The following UTRN variants were observed in gnomAD, a reference collection of about 807,000 sequenced individuals.
UTRN encodes the protein dystrophin-related protein 1.
UTRN carries 283 observed loss-of-function variants against 463.9 expected under a neutral mutation model. The observed-to-expected ratio is 0.61, with a 90% CI of 0.55 to 0.67. The LOEUF (loss-of-function observed/expected upper bound fraction) is 0.67. Among genes scored for constraint, UTRN ranks in the 30% least tolerant of loss-of-function variants. The probability of loss-of-function intolerance (pLI) is 0.00; values close to 1 mark genes in which losing one functional copy is unlikely to be tolerated. For synonymous variants in UTRN, 1,442 were observed against 1,431.5 expected (o/e 1.01, Z -0.17); for missense variants, 3,922 against 4,084.3 (o/e 0.96, Z 1.08).
intron 12 of UTRN, 60 bp from the exon 13 acceptor site, chr6:144,440,292 C>T (rs949071276): frequency 3.6e-5 from 57 of 1,570,958 alleles, no homozygotes; most frequent in Admixed American, 2.0e-4. Context: ...CAACTGAGTG[C>T]GTTTTAAATA....
At chr6:144,371,144 A>G (rs761269962) in intron 2 of UTRN, among the ~76,000 whole-genome samples, 1 of 152,142 alleles carries the variant, frequency 6.6e-6, no homozygotes, top group Non-Finnish European at 1.5e-5. Context: ...TTCTCTCCCC[A>G]CTGACTTTTT....
At chr6:144,533,601 C>T (rs963802253) in intron 43 of UTRN, among the ~76,000 whole-genome samples, 6 of 152,060 alleles carry the variant, frequency 3.9e-5, no homozygotes, top group African/African-American at 9.7e-5. Flanking sequence ...AAGATCAGAC[C>T]TTCCCTTTGC....
intron 51 of UTRN, among the ~76,000 whole-genome samples, chr6:144,592,608 AT>A (rs1451464019): frequency 2.6e-5 from 4 of 152,072 alleles, no homozygotes; most frequent in Non-Finnish European, 5.9e-5. Context: ...TGACCTCGTG[AT>A]CCCCCTGCCT....
intron 52 of UTRN, among the ~76,000 whole-genome samples, chr6:144,685,697 T>G (rs1367333254): frequency 1.3e-5 from 2 of 152,190 alleles, no homozygotes; most frequent in African/African-American, 4.8e-5. Flanking sequence ...ATTTGCCCAC[T>G]TTTTAGTAGG....
At chr6:144,768,102 A>G (rs1470488184) in intron 58 of UTRN, among the ~76,000 whole-genome samples, 2 of 152,206 alleles carry the variant, frequency 1.3e-5, no homozygotes, top group South Asian at 2.1e-4. Flanking sequence ...TTACCAGCCT[A>G]TCAAAAGTGC....
intron 51 of UTRN, among the ~76,000 whole-genome samples, chr6:144,623,243 T>C (rs1775609881): frequency 6.6e-6 from 1 of 152,204 alleles, no homozygotes; most frequent in Non-Finnish European, 1.5e-5. Flanking sequence ...ATAATTGATT[T>C]AGCAATATAT....
intron 3 of UTRN, among the ~76,000 whole-genome samples, chr6:144,409,457 A>T (rs993325235): frequency 6.6e-6 from 1 of 152,132 alleles, no homozygotes; most frequent in Non-Finnish European, 1.5e-5. Flanking sequence ...TTCACCCTTC[A>T]CTTAGGAAGG....
chr6:144,330,240 G>A (rs1776242903), intron 2 of UTRN, among the ~76,000 whole-genome samples: 1 of 152,208 alleles, frequency 6.6e-6, no homozygotes, highest in African/African-American at 2.4e-5. Context: ...ATTGAGGCCG[G>A]TGATTGGGAG....
chr6:144,590,654 A>G (rs1802945628), intron 51 of UTRN, among the ~76,000 whole-genome samples: 1 of 152,182 alleles, frequency 6.6e-6, no homozygotes, highest in African/African-American at 2.4e-5. Flanking sequence ...ATGGGAAACA[A>G]GGAAGTACAA....
chr6:144,386,163 A>G (rs1199636801), intron 2 of UTRN, among the ~76,000 whole-genome samples: 3 of 152,132 alleles, frequency 2.0e-5, no homozygotes, highest in Non-Finnish European at 4.4e-5. Flanking sequence ...CTTTTTAATT[A>G]AAAAATTCAT....
chr6:144,573,901 T>C (rs1418630819), intron 50 of UTRN, among the ~76,000 whole-genome samples: 1 of 152,122 alleles, frequency 6.6e-6, no homozygotes, highest in Non-Finnish European at 1.5e-5. Context: ...ATTCAAGGCC[T>C]TTTTCCAGGA....
intron 41 of UTRN, among the ~76,000 whole-genome samples, chr6:144,527,466 A>G (rs1419285816): frequency 1.3e-5 from 2 of 152,230 alleles, no homozygotes; most frequent in Non-Finnish European, 2.9e-5. Flanking sequence ...CCTGATGACC[A>G]TGTGCCTAGG....
intron 2 of UTRN, among the ~76,000 whole-genome samples, chr6:144,342,624 A>G (rs1258734044): frequency 1.3e-5 from 2 of 152,200 alleles, no homozygotes; most frequent in Non-Finnish European, 2.9e-5. Flanking sequence ...AGTCACAAAA[A>G]ACCATATACT....
At chr6:144,362,906 T>A (rs188388140) in intron 2 of UTRN, among the ~76,000 whole-genome samples, 3 of 152,342 alleles carry the variant, frequency 2.0e-5, no homozygotes, top group Admixed American at 1.3e-4. Context: ...TGAGTTTTTA[T>A]GCTAAGTAAT....
chr6:144,651,328 C>T lies in UTRN; in HGVS notation c.7480-27078C>T, dbSNP rs577706178. Among the ~76,000 whole-genome samples, 44 of 152,042 alleles carry T rather than the reference C, an allele frequency of 2.9e-4. 1 individual carries two copies. The Middle Eastern group carries it at 0.014, about 47-fold the overall frequency. On this transcript the variant is annotated intron_variant, in intron 51 of 74. Transcript: ENST00000367545. ...CAATAAATTTGTGTTGAAACAAATGCGCAATTATATAGTACTAGTGAATGT... is the reference window on the plus strand; with the variant it reads ...CAATAAATTTGTGTTGAAACAAATGTGCAATTATATAGTACTAGTGAATGT...
chr6:144,641,613 A>C (rs1777773868), intron 51 of UTRN, among the ~76,000 whole-genome samples: 1 of 152,170 alleles, frequency 6.6e-6, no homozygotes, highest in African/African-American at 2.4e-5. Context: ...TTAGGGGGGC[A>C]TGTAGAGTTT....
chr6:144,382,007 G>T (rs776647898), intron 2 of UTRN, among the ~76,000 whole-genome samples: 1 of 151,952 alleles, frequency 6.6e-6, no homozygotes, highest in African/African-American at 2.4e-5. Flanking sequence ...CTTCAACCTC[G>T]CTAGCATCTT....
intron 62 of UTRN, among the ~76,000 whole-genome samples, 180 bp downstream of exon 62, chr6:144,789,459 G>A (rs1776574618): frequency 1.3e-5 from 2 of 152,156 alleles, no homozygotes; most frequent in Non-Finnish European, 2.9e-5. Context: ...GGGGCTTTGT[G>A]TGAAATGGAA....
chr6:144,493,518 T>A (rs540339636), intron 33 of UTRN, 62 bp downstream of exon 33: 655 of 1,523,838 alleles, frequency 4.3e-4, no homozygotes, highest in Non-Finnish European at 2.5e-4. Context: ...TCAATCTCTC[T>A]CTCTCTCTCG....
Sources: allele counts gnomAD v4.1 joint callset (sites outside exome capture counted in the v4.1 genomes callset), GRCh38; gene constraint gnomAD v4.1.1; transcripts MANE v1.5; gene names NCBI Gene and HGNC (gene_info 2026-07-23, HGNC 2026-07-21).